Variants in ST6GALNAC2 observed in about 807,000 individuals in gnomAD.
ST6GALNAC2 encodes ST6 N-acetylgalactosaminide alpha-2,6-sialyltransferase 2.
A neutral mutation model predicts 38.7 loss-of-function variants in ST6GALNAC2; 42 were observed. The ratio of observed to expected loss-of-function variants is 1.09; its 90% CI spans 0.85 to 1.40. ST6GALNAC2 has a LOEUF of 1.40. Among genes scored for constraint, ST6GALNAC2 ranks in the 40% most tolerant of loss-of-function variants. The pLI is 0.00. For missense variants in ST6GALNAC2, 506 were observed against 481.7 expected (o/e 1.05, Z -0.47); for synonymous variants, 233 against 209.0 (o/e 1.11, Z -0.99).
chr17:76,585,281 C>A (rs1455057819), intron 1 of ST6GALNAC2, among the ~76,000 whole-genome samples: 3 of 152,174 alleles, frequency 2.0e-5, no homozygotes, highest in African/African-American at 4.8e-5. Context: ...GGGCCCCTGC[C>A]CAAAAAGCAG....
Position 76,570,600 on chromosome 17 carries a change from G to C in ST6GALNAC2, c.738C>G (p.Gly246=). Residue 246 remains glycine (G), a synonymous_variant, in exon 6 of 9, where the codon GGC becomes GGG. Coordinates refer to ENST00000225276, the MANE Select transcript of ST6GALNAC2 (RefSeq NM_006456.3). ...DYVMLRSAIL[G]VPVPEGLDKG... Reference sequence around the variant, plus strand: ...TATCTAGGCCCTCAGGGACAGGCACGCCCAGAATGGCCGATCTCAGCATCA... The same window carrying C: ...TATCTAGGCCCTCAGGGACAGGCACCCCCAGAATGGCCGATCTCAGCATCA... 5 of 1,613,012 alleles carry C rather than the reference G, an allele frequency of 3.1e-6. No individual in the cohort carries two copies. Among genetic ancestry groups the C allele is most frequent in the Non-Finnish European group, 4.2e-6 (5 of 1,179,686 alleles).
chr17:76,569,242 G>T (rs867851253), intron 6 of ST6GALNAC2: 5 of 377,800 alleles, frequency 1.3e-5, no homozygotes, highest in South Asian at 1.2e-4. Flanking sequence ...GGGCACATAG[G>T]GGGTGATATA....
intron 5 of ST6GALNAC2, 82 bp downstream of exon 5, chr17:76,572,555 A>G (rs2075363960): frequency 1.3e-6 from 2 of 1,518,604 alleles, no homozygotes; most frequent in Non-Finnish European, 1.8e-6. Context: ...AGGGTGTGTG[A>G]GCCCTGTGGC....
intron 1 of ST6GALNAC2, among the ~76,000 whole-genome samples, chr17:76,582,167 T>A (rs988033131): frequency 9.4e-5 from 1 of 10,668 alleles, no homozygotes; most frequent in African/African-American, 2.0e-4. Context: ...GCCCAGCCTT[T>A]TTTTTTTTTT....
chr17:76,569,966 A>T (rs2075334621), intron 6 of ST6GALNAC2: 1 of 177,672 alleles, frequency 5.6e-6, no homozygotes, highest in Admixed American at 6.3e-5. Flanking sequence ...CCCCGGGAGG[A>T]GGTTCAGATG....
Position 76,573,159 on chromosome 17 carries a change from T to TTCCCCCC in ST6GALNAC2, c.530+35_530+36insGGGGGGA. ...GACACCCCCACCCTCCAGGCAACTC[T>TTCCCCCC]CCCTCCCGCCCCTCCCCAGCTCCTA... On this transcript the variant is annotated intron_variant, in intron 4 of 8. Coordinates refer to ENST00000225276, the MANE Select transcript of ST6GALNAC2 (RefSeq NM_006456.3). This position sits in a 1 kb window ranked among gnomAD's most constrained non-coding sequence, Gnocchi z 5.1. The TTCCCCCC allele has an allele frequency of 1.3e-6, 2 of 1,530,322 alleles. No individual in the cohort carries two copies. Among genetic ancestry groups the TTCCCCCC allele is most frequent in the Non-Finnish European group, 1.8e-6 (2 of 1,120,830 alleles). The allele number at this position is 1,530,322 out of a possible 1,614,324, so 94.8% of individuals were successfully genotyped here.
chr17:76,577,973 T>C (rs1376220946), intron 2 of ST6GALNAC2, among the ~76,000 whole-genome samples: 1 of 152,166 alleles, frequency 6.6e-6, no homozygotes, highest in Non-Finnish European at 1.5e-5. Context: ...AGTGAAATCT[T>C]TCTCCTAGAG....
At chr17:76,566,560 C>G (rs1314134620) in intron 8 of ST6GALNAC2, among the ~76,000 whole-genome samples, 1 of 152,074 alleles carries the variant, frequency 6.6e-6, no homozygotes, top group Non-Finnish European at 1.5e-5. Flanking sequence ...GACACTCCTG[C>G]ATCAGAATAG....
chr17:76,584,173 A>G (rs958832220), intron 1 of ST6GALNAC2, among the ~76,000 whole-genome samples: 1 of 146,660 alleles, frequency 6.8e-6, no homozygotes, highest in African/African-American at 2.5e-5. Flanking sequence ...CCAGCTAATT[A>G]GCATATCCAT....
intron 5 of ST6GALNAC2, 77 bp downstream of exon 5, chr17:76,572,560 T>C: frequency 1.3e-6 from 2 of 1,553,724 alleles, no homozygotes; most frequent in Admixed American, 3.4e-5. Context: ...GTGTGAGCCC[T>C]GTGGCCCCCA....
chr17:76,574,770 G>A lies in ST6GALNAC2; in HGVS notation c.187-231C>T, dbSNP rs544477069. On this transcript the variant is annotated intron_variant, in intron 2 of 8. Transcript: ENST00000225276. ...CGGCTCACTGCAAGCTCCGTCTCCC[G>A]GGTTCACGCCATTCTCCTGCCTCAG... is the stretch of plus-strand genomic sequence containing the variant. 3.9e-5 allele frequency among the ~76,000 whole-genome samples: 6 copies of A among 152,008 alleles called. No homozygotes were observed. The South Asian group carries it at 6.2e-4, about 16-fold the overall frequency.
At chr17:76,569,623 T>C in intron 6 of ST6GALNAC2, 1 of 396,330 alleles carries the variant, frequency 2.5e-6, no homozygotes, top group Non-Finnish European at 4.4e-6. Flanking sequence ...AGGGGATGGA[T>C]TAGGGGTGTG....
In ST6GALNAC2 at chr17:76,570,369, C is replaced by G. The variant is rs1226163860; in HGVS notation, c.773+196G>C. ...AACCCGGAGGGTCACCTGGGCTTTC[C>G]AGGGGTAGACAAAAAGTAGAATTTC... On this transcript the variant is annotated intron_variant, in intron 6 of 8. Coordinates refer to ENST00000225276, the MANE Select transcript of ST6GALNAC2 (RefSeq NM_006456.3). 4.4e-5 allele frequency: 25 copies of G among 570,698 alleles called. No homozygotes were observed. The East Asian group carries it at 7.4e-4, about 17-fold the overall frequency. 35.4% of individuals were successfully genotyped at this position (570,698 alleles called of 1,614,324 possible).
intron 2 of ST6GALNAC2, among the ~76,000 whole-genome samples, chr17:76,576,588 T>C (rs1000676110): frequency 6.6e-6 from 1 of 152,236 alleles, no homozygotes; most frequent in East Asian, 1.9e-4. Flanking sequence ...GGTGTGCATG[T>C]GTGTACTTTT....
chr17:76,574,630 G>T, intron 2 of ST6GALNAC2, 91 bp from the exon 3 acceptor site: 2 of 1,152,386 alleles, frequency 1.7e-6, no homozygotes, highest in Non-Finnish European at 1.2e-6. Flanking sequence ...TGCGAGTTGT[G>T]AGGGAAGGCC....
At chr17:76,572,465 C>G (rs1480005370) in intron 5 of ST6GALNAC2, among the ~76,000 whole-genome samples, 172 bp downstream of exon 5, 1 of 152,176 alleles carries the variant, frequency 6.6e-6, no homozygotes, top group African/African-American at 2.4e-5. Flanking sequence ...AGCAGGGAGT[C>G]CGGGACCAGA....
intron 5 of ST6GALNAC2, 70 bp from the exon 6 acceptor site, chr17:76,570,738 T>C: frequency 8.1e-7 from 1 of 1,239,664 alleles, no homozygotes; most frequent in Non-Finnish European, 1.2e-6. Flanking sequence ...TGGACAGCCC[T>C]CCACCCAACC....
chr17:76,571,912 C>T (rs2075357430), intron 5 of ST6GALNAC2, among the ~76,000 whole-genome samples: 1 of 152,182 alleles, frequency 6.6e-6, no homozygotes, highest in African/African-American at 2.4e-5. Context: ...CAGTGGCTGC[C>T]ACCTGGGACA....
chr17:76,582,198 G>T (rs1283101631), intron 1 of ST6GALNAC2, among the ~76,000 whole-genome samples: 3 of 102,276 alleles, frequency 2.9e-5, no homozygotes, highest in African/African-American at 3.9e-5. Flanking sequence ...TTGAGACAGG[G>T]TCTCACTTTG....
Sources: gnomAD v4.1 joint callset for allele counts (sites outside exome capture counted in the v4.1 genomes callset) on GRCh38, gnomAD v4.1.1 for gene constraint, Gnocchi (gnomAD v3.1) non-coding constraint, MANE v1.5 for transcripts, NCBI Gene and HGNC (gene_info 2026-07-23, HGNC 2026-07-21) for gene names.